The following GYPB variants were observed in gnomAD, a reference collection of about 807,000 sequenced individuals.
GYPB encodes the protein glycophorin B (MNS blood group).
In GYPB, 13 loss-of-function variants were observed where a neutral mutation model predicts 15.3. That is an observed-to-expected ratio of 0.85 (90% CI 0.55 to 1.35). The LOEUF (loss-of-function observed/expected upper bound fraction) is 1.35, where lower values mean the gene tolerates loss of function less well. Ranked by LOEUF, GYPB falls within the 40% of genes most tolerant of loss-of-function variation. The pLI, the probability that GYPB is intolerant of heterozygous loss-of-function variation, is 0.00. For missense variants in GYPB, 131 were observed against 108.3 expected (o/e 1.21, Z -0.93); for synonymous variants, 38 against 36.9 (o/e 1.03, Z -0.11).
Position 143,996,418 on chromosome 4 carries a change from G to A in GYPB, c.271-114C>T, listed in dbSNP as rs138633464. ...AATCCTTCACAGGCTGTAGCCAATT[G>A]GAGGCTTCTAAAGGGTACCTAGGGG... is the stretch of plus-strand genomic sequence containing the variant. On this transcript the variant is annotated intron_variant, in intron 4 of 4. Coordinates refer to ENST00000502664, the MANE Select transcript of GYPB (RefSeq NM_002100.6). 737 of 1,535,544 alleles carry A rather than the reference G, an allele frequency of 4.8e-4. No homozygotes were observed. The East Asian group carries it at 5.2e-3, about 11-fold the overall frequency.
intron 1 of GYPB, among the ~76,000 whole-genome samples, chr4:144,016,282 G>A (rs1305096702): frequency 6.6e-6 from 1 of 150,448 alleles, no homozygotes; most frequent in Non-Finnish European, 1.5e-5. Context: ...CACTCACTGT[G>A]TCTAACCAGA....
intron 1 of GYPB, among the ~76,000 whole-genome samples, chr4:144,014,675 T>A (rs765993996): frequency 4.0e-5 from 6 of 151,420 alleles, no homozygotes; most frequent in Non-Finnish European, 7.3e-5. Flanking sequence ...TCTGGAGTGA[T>A]GAAAATGTTC....
At chr4:144,017,301 C>A (rs1444472056) in intron 1 of GYPB, among the ~76,000 whole-genome samples, 1 of 148,478 alleles carries the variant, frequency 6.7e-6, no homozygotes, top group Non-Finnish European at 1.5e-5. Flanking sequence ...TCTTAAGATT[C>A]CTGGAGAAAG....
At chr4:144,002,741 A>T (rs1206646025) in intron 1 of GYPB, 1 of 1,258,992 alleles carries the variant, frequency 7.9e-7, no homozygotes, top group East Asian at 5.6e-5. Context: ...GACACCTCTC[A>T]TTAGTCTACT....
At chr4:144,003,983 C>T (rs1423796908) in intron 1 of GYPB, among the ~76,000 whole-genome samples, 1 of 151,496 alleles carries the variant, frequency 6.6e-6, no homozygotes, top group Non-Finnish European at 1.5e-5. Context: ...GAAGGTAACA[C>T]ATTGACACAA....
chr4:144,014,859 A>G lies in GYPB; in HGVS notation c.37+4392T>C, dbSNP rs143285239. Among the ~76,000 whole-genome samples, 5 of 151,554 alleles carry G rather than the reference A, an allele frequency of 3.3e-5. 2 individuals carry two copies. The highest frequency in any genetic ancestry group is 1.2e-4 in the African/African-American group (5 of 40,822). ...AAGTGCATGGCACAAAGTAAGTGCT[A>G]TATCAGTGTTGGTTATTATTATTCA... On this transcript the variant is annotated intron_variant, in intron 1 of 4. Transcript: ENST00000502664.
At chr4:144,010,906 A>G (rs1728183432) in intron 1 of GYPB, among the ~76,000 whole-genome samples, 1 of 151,480 alleles carries the variant, frequency 6.6e-6, no homozygotes, top group Non-Finnish European at 1.5e-5. Flanking sequence ...TTAGAAACAC[A>G]TGAAAGGATA....
At chr4:144,015,265 T>G (rs1299770189) in intron 1 of GYPB, among the ~76,000 whole-genome samples, 1 of 151,416 alleles carries the variant, frequency 6.6e-6, no homozygotes, top group Non-Finnish European at 1.5e-5. Flanking sequence ...CACTCAGAGA[T>G]AAGCCCGGAA....
At chr4:143,998,027 T>C (rs1315283717) in intron 3 of GYPB, among the ~76,000 whole-genome samples, 2 of 151,402 alleles carry the variant, frequency 1.3e-5, no homozygotes, top group Non-Finnish European at 2.9e-5. Flanking sequence ...TCTTAACATA[T>C]AAAAGAGCAT....
intron 1 of GYPB, among the ~76,000 whole-genome samples, chr4:144,015,627 T>A (rs968785462): frequency 6.6e-6 from 1 of 151,450 alleles, no homozygotes; most frequent in Non-Finnish European, 1.5e-5. Context: ...TTTCCTAATT[T>A]AAAATCACTA....
At chr4:143,999,107 C>G (rs1727476832) in intron 3 of GYPB, 1 of 251,750 alleles carries the variant, frequency 4.0e-6, no homozygotes, top group Non-Finnish European at 7.5e-6. Context: ...TAGATTTTGC[C>G]ATATTGCCCA....
At position 143,996,247 on chromosome 4, in the gene GYPB, C is replaced by G. The variant is rs762636470; in HGVS notation, c.*52G>C. 1.7e-4 allele frequency: 258 copies of G among 1,550,134 alleles called. No homozygotes were observed. Among genetic ancestry groups the G allele is most frequent in the Non-Finnish European group, 2.0e-4 (229 of 1,146,756 alleles). ...CAGCCAGTTTGCATAAACAAGAGAA[C>G]AGCAGGTGCAGCCGGTTCTAGGCAA... On this transcript the variant is annotated 3_prime_UTR_variant, in exon 5 of 5. Transcript: ENST00000502664.
chr4:144,003,842 C>G (rs892167739), intron 1 of GYPB, among the ~76,000 whole-genome samples: 1 of 151,252 alleles, frequency 6.6e-6, no homozygotes, highest in Non-Finnish European at 1.5e-5. Flanking sequence ...GGACTCAGAC[C>G]CTAACACTGG....
chr4:144,006,725 A>C (rs544364848), intron 1 of GYPB, among the ~76,000 whole-genome samples: 3 of 151,988 alleles, frequency 2.0e-5, no homozygotes, highest in East Asian at 3.9e-4. Flanking sequence ...GAAATGCCTT[A>C]AATAGTTTCC....
At position 143,998,073 on chromosome 4, in the gene GYPB, C is replaced by T. The variant is rs531735105; in HGVS notation, c.176-439G>A. On this transcript the variant is annotated intron_variant, in intron 3 of 4. Coordinates refer to ENST00000502664, the MANE Select transcript of GYPB (RefSeq NM_002100.6). ...ATAGAATCATAATTTTGGAAAGAAA[C>T]TGGTATAAACAGTTTACAAATGAAG... Among the ~76,000 whole-genome samples the T allele has an allele frequency of 2.6e-4, 39 of 151,452 alleles. 2 individuals are homozygous for T. The highest frequency in any genetic ancestry group is 9.3e-4 in the African/African-American group (38 of 40,804).
chr4:144,003,266 A>G (rs534986906), intron 1 of GYPB, among the ~76,000 whole-genome samples: 1 of 151,494 alleles, frequency 6.6e-6, no homozygotes, highest in Admixed American at 6.5e-5. Context: ...TTTAGGGAAA[A>G]TCACTGTCAG....
At chr4:144,001,794 G>T (rs561124402) in intron 1 of GYPB, among the ~76,000 whole-genome samples, 2 of 150,846 alleles carry the variant, frequency 1.3e-5, no homozygotes, top group African/African-American at 2.5e-5. Flanking sequence ...CAGAACAAAA[G>T]TTCTGTCCCA....
rs565720256 is a variant in GYPB, at chr4:144,003,684, A to G, written c.38-2401T>C. On this transcript the variant is annotated intron_variant, in intron 1 of 4. Transcript: ENST00000502664. The stretch of plus-strand genomic sequence containing the variant: ...TTAGATAAGTTTTGAGCTTTATCAA[A>G]ACAATTGTTAACACTCTAGCAAATA... Among the ~76,000 whole-genome samples the G allele has an allele frequency of 3.2e-3, 479 of 151,602 alleles. 4 individuals carry two copies. The highest frequency in any genetic ancestry group is 4.6e-3 in the Non-Finnish European group (314 of 68,020).
rs149800902 is a variant in GYPB, at chr4:144,009,056, G to T, written c.38-7773C>A. ...AATAACATCATTTGCCATCTTAAAT[G>T]TTGGTGTTTCTTAGGGTTTTGTTTC... On this transcript the variant is annotated intron_variant, in intron 1 of 4. Transcript: ENST00000502664. 2.9e-3 allele frequency among the ~76,000 whole-genome samples: 437 copies of T among 151,570 alleles called. 26 individuals carry two copies. The highest frequency in any genetic ancestry group is 1.0e-2 in the African/African-American group (408 of 40,850).
Sources: allele counts gnomAD v4.1 joint callset (sites outside exome capture counted in the v4.1 genomes callset), GRCh38; gene constraint gnomAD v4.1.1; transcripts MANE v1.5; gene names NCBI Gene and HGNC (gene_info 2026-07-23, HGNC 2026-07-21).